The following CUL5 variants were observed in gnomAD, a reference collection of about 807,000 sequenced individuals.
The protein encoded by CUL5 is cullin-5.
In CUL5, 26 loss-of-function variants were observed where a neutral mutation model predicts 108.8. That is an observed-to-expected ratio of 0.24 (90% CI 0.18 to 0.33). The LOEUF is 0.33. Ranked by LOEUF, CUL5 falls within the 10% of genes least tolerant of loss-of-function variation. The probability of loss-of-function intolerance (pLI) is 1.00; values close to 1 mark genes in which losing one functional copy is unlikely to be tolerated. For synonymous variants in CUL5, 334 were observed against 298.0 expected (o/e 1.12, Z -1.25); for missense variants, 524 against 909.2 (o/e 0.58, Z 5.45).
At chr11:108,103,148 G>C (rs1864712104) in intron 18 of CUL5, among the ~76,000 whole-genome samples, 1 of 152,148 alleles carries the variant, frequency 6.6e-6, no homozygotes, top group South Asian at 2.1e-4. Context: ...AAAGGTAAAA[G>C]AGAAAAGAAT....
At chr11:108,018,331 A>T (rs1862251244) in intron 1 of CUL5, among the ~76,000 whole-genome samples, 2 of 152,314 alleles carry the variant, frequency 1.3e-5, no homozygotes, top group African/African-American at 4.8e-5. Flanking sequence ...CTCAGTATTC[A>T]TGAGTTCCAT....
intron 11 of CUL5, among the ~76,000 whole-genome samples, chr11:108,083,267 ACT>A (rs1864142585): frequency 6.6e-6 from 1 of 152,004 alleles, no homozygotes; most frequent in African/African-American, 2.4e-5. Flanking sequence ...GCAGTTTGGC[ACT>A]CTGTCTGGTA....
intron 2 of CUL5, among the ~76,000 whole-genome samples, chr11:108,038,191 AT>A (rs1474583982): frequency 3.3e-5 from 5 of 151,794 alleles, no homozygotes. Context: ...TTTATGAATG[AT>A]ATGTTGGGTG....
intron 2 of CUL5, among the ~76,000 whole-genome samples, chr11:108,037,185 C>T (rs1441246888): frequency 1.3e-5 from 2 of 152,006 alleles, no homozygotes; most frequent in African/African-American, 4.8e-5. Flanking sequence ...GTCAGCATGG[C>T]CAGAAACTGC....
At chr11:108,089,058 A>G (rs1864289680) in intron 12 of CUL5, among the ~76,000 whole-genome samples, 1 of 152,010 alleles carries the variant, frequency 6.6e-6, no homozygotes, top group Non-Finnish European at 1.5e-5. Context: ...CATCTTTGTC[A>G]CCCAGTTGTT....
rs1224243099 is a variant in CUL5 at position 108,104,487 on chromosome 11, A to G, written c.*103A>G. The G allele has an allele frequency of 2.8e-6, 2 of 704,500 alleles. No homozygotes were observed. The highest frequency in any genetic ancestry group is 2.9e-5 in the East Asian group (1 of 34,814). 43.6% of individuals were successfully genotyped at this position (704,500 alleles called of 1,614,324 possible). Reference sequence around the variant, plus strand: ...AAAGGTTTATTTGGACTTTGATTACATAAATATTAAAATCTCTGCCTTACC... The same window carrying G: ...AAAGGTTTATTTGGACTTTGATTACGTAAATATTAAAATCTCTGCCTTACC... On this transcript the variant is annotated 3_prime_UTR_variant, in exon 19 of 19. Coordinates refer to ENST00000393094, the MANE Select transcript of CUL5 (RefSeq NM_003478.6).
At chr11:108,078,084 A>T (rs1459649657) in intron 10 of CUL5, 92 bp from the exon 11 acceptor site, 3 of 710,376 alleles carry the variant, frequency 4.2e-6, no homozygotes, top group Non-Finnish European at 6.7e-6. Flanking sequence ...AGAAATAAAA[A>T]CTAACATATT....
intron 1 of CUL5, among the ~76,000 whole-genome samples, chr11:108,018,330 C>T (rs1279160229): frequency 1.3e-5 from 2 of 152,142 alleles, no homozygotes; most frequent in South Asian, 2.1e-4. Flanking sequence ...CCTCAGTATT[C>T]ATGAGTTCCA....
chr11:108,042,676 T>A (rs906124598), intron 2 of CUL5, among the ~76,000 whole-genome samples: 2 of 152,190 alleles, frequency 1.3e-5, no homozygotes, highest in African/African-American at 4.8e-5. Flanking sequence ...TCACTCACCC[T>A]TACCCTGTCC....
At position 108,076,314 on chromosome 11, in the gene CUL5, A is replaced by G. The variant is rs547707164; in HGVS notation, c.1114-1862A>G. 1.8e-4 allele frequency among the ~76,000 whole-genome samples: 28 copies of G among 152,286 alleles called. No individual in the cohort carries two copies. In the East Asian group the frequency reaches 4.6e-3, roughly 25 times the overall value. On this transcript the variant is annotated intron_variant, in intron 10 of 18. Transcript: ENST00000393094. ...CTCCCAAAGTGCTGGGATTACAGGC[A>G]TGAGCCACCATGCCCAGCCCAGTAT...
intron 10 of CUL5, chr11:108,073,981 C>G (rs958301910): frequency 6.5e-6 from 1 of 152,734 alleles, no homozygotes; most frequent in African/African-American, 2.4e-5. Context: ...TTTTTCCATC[C>G]TCACTAGTAT....
Position 108,046,260 on chromosome 11 carries a change from A to C in CUL5, c.135-10A>C. ...TTATTAATGTTTGTTTACCTACTTT[A>C]TATTCACAGGGATGTGCATGCAGTC... On this transcript the variant is annotated splice_polypyrimidine_tract_variant and intron_variant, in intron 2 of 18. Coordinates refer to ENST00000393094, the MANE Select transcript of CUL5 (RefSeq NM_003478.6). 6.4e-7 allele frequency: 1 copy of C among 1,569,414 alleles called. No homozygotes were observed. The highest frequency in any genetic ancestry group is 2.2e-5 in the East Asian group (1 of 44,468).
At chr11:108,036,667 A>G (rs1006414784) in intron 2 of CUL5, among the ~76,000 whole-genome samples, 8 of 152,160 alleles carry the variant, frequency 5.3e-5, no homozygotes, top group African/African-American at 1.9e-4. Flanking sequence ...CATTAGAGAC[A>G]GGTTTTCACC....
At chr11:108,039,521 A>G (rs1565240987) in intron 2 of CUL5, among the ~76,000 whole-genome samples, 1 of 152,206 alleles carries the variant, frequency 6.6e-6, no homozygotes, top group African/African-American at 2.4e-5. Flanking sequence ...TAAGTGTACA[A>G]TTCAGTGGCA....
In CUL5 at chr11:108,106,631, G is replaced by T. The variant is rs1591342658; in HGVS notation, c.*2247G>T. 1 of 137,892 alleles carries T rather than the reference G, an allele frequency of 7.3e-6. No homozygotes were observed. The allele number at this position is 137,892 out of a possible 1,614,324, so 8.5% of individuals were successfully genotyped here. On this transcript the variant is annotated 3_prime_UTR_variant, in exon 19 of 19. Transcript: ENST00000393094. The stretch of plus-strand genomic sequence containing the variant: ...TAGTTGACAAGGTGCCTATGCCATT[G>T]TTAAATTTTCTTTAAGTAATTTAAC...
At chr11:108,009,922 T>G (rs1320064620) in intron 1 of CUL5, among the ~76,000 whole-genome samples, 4 of 152,194 alleles carry the variant, frequency 2.6e-5, no homozygotes, top group Non-Finnish European at 4.4e-5. Flanking sequence ...TCTCCCATTC[T>G]TGAGTTCATC....
chr11:108,018,464 C>G (rs1286624659), intron 1 of CUL5, among the ~76,000 whole-genome samples: 1 of 151,478 alleles, frequency 6.6e-6, no homozygotes, highest in African/African-American at 2.4e-5. Flanking sequence ...GTCAGGAGTT[C>G]AAGACCATCC....
rs569969492 is a variant in CUL5, at chr11:108,077,270, C to A, written c.1114-906C>A. Among the ~76,000 whole-genome samples, 172 of 152,296 alleles carry A rather than the reference C, an allele frequency of 1.1e-3. 2 individuals are homozygous for A. The South Asian group carries it at 0.034, about 30-fold the overall frequency. On this transcript the variant is annotated intron_variant, in intron 10 of 18. Transcript: ENST00000393094. ...ACTTTCAGGAGGAGGGTGTGATCCG[C>A]TGTTTTTAAATGCTGATAATAAATA...
chr11:108,072,416 G>A lies in CUL5; in HGVS notation c.959G>A (p.Ser320Asn), dbSNP rs1863848432. 1 of 1,612,684 alleles carries A rather than the reference G, an allele frequency of 6.2e-7. No homozygotes were observed. The highest frequency in any genetic ancestry group is 1.3e-5 in the African/African-American group (1 of 74,890). ...AAAGACTTGGAGGAACATATCATTAGTGCTGGCCTGGCAGATATGGTAGCA... is the reference window on the plus strand; with the variant it reads ...AAAGACTTGGAGGAACATATCATTAATGCTGGCCTGGCAGATATGGTAGCA... Reference protein sequence around the residue: ...MLKDLEEHIISAGLADMVAAA... With the variant: ...MLKDLEEHIINAGLADMVAAA... Residue 320 changes from serine to asparagine, a missense_variant, in exon 9 of 19, where the codon AGT becomes AAT. Physicochemically the swap from Ser to Asn is conservative, Grantham distance 46. Coordinates refer to ENST00000393094, the MANE Select transcript of CUL5 (RefSeq NM_003478.6).
Sources: gnomAD v4.1 joint callset for allele counts (sites outside exome capture counted in the v4.1 genomes callset) on GRCh38, gnomAD v4.1.1 for gene constraint, MANE v1.5 for transcripts, NCBI Gene and HGNC (gene_info 2026-07-23, HGNC 2026-07-21) for gene names.